GABRB3: variants seen among roughly 807,000 people sequenced by gnomAD.
GABRB3 encodes the protein gamma-aminobutyric acid type A receptor subunit beta3.
Under a neutral mutation model 52.1 loss-of-function variants are expected in GABRB3, and 14 were observed. The observed-to-expected ratio is 0.27, with a 90% CI of 0.18 to 0.42. GABRB3 has a LOEUF of 0.42. GABRB3 is among the 10% of genes least tolerant of loss of function. The probability of loss-of-function intolerance (pLI) is 1.00; values close to 1 mark genes in which losing one functional copy is unlikely to be tolerated. For synonymous variants in GABRB3, 260 were observed against 232.3 expected (o/e 1.12, Z -1.08); for missense variants, 307 against 609.1 (o/e 0.50, Z 5.22).
intron 3 of GABRB3, among the ~76,000 whole-genome samples, chr15:26,761,552 T>C (rs1226783842): frequency 6.6e-6 from 1 of 152,014 alleles, no homozygotes; most frequent in Non-Finnish European, 1.5e-5. Context: ...TACTATATAT[T>C]CTCATTGTAT....
At chr15:26,573,684 G>A (rs774022249) in intron 6 of GABRB3, among the ~76,000 whole-genome samples, 33 of 152,198 alleles carry the variant, frequency 2.2e-4, no homozygotes, top group African/African-American at 4.6e-4. Flanking sequence ...AAAGTGTACC[G>A]TCAAGACAAC....
chr15:26,703,975 G>A (rs924651270), intron 3 of GABRB3, among the ~76,000 whole-genome samples: 6 of 152,196 alleles, frequency 3.9e-5, no homozygotes, highest in African/African-American at 1.2e-4. Flanking sequence ...CTACATTCTG[G>A]GGTCTTGGTG....
chr15:26,773,681 G>A (rs121913126), upstream of GABRB3: 93 of 1,575,684 alleles, frequency 5.9e-5, no homozygotes, highest in Admixed American at 7.2e-4. Context: ...CAGGGTCCAG[G>A]AGAGCCAGAT....
At chr15:26,755,098 G>A (rs1002166655) in intron 3 of GABRB3, among the ~76,000 whole-genome samples, 12 of 148,770 alleles carry the variant, frequency 8.1e-5, no homozygotes, top group African/African-American at 3.0e-4. Flanking sequence ...CCAACTCCTT[G>A]GTTCAAGCGA....
intron 3 of GABRB3, among the ~76,000 whole-genome samples, chr15:26,690,165 G>A (rs1340757790): frequency 6.8e-6 from 1 of 146,532 alleles, no homozygotes; most frequent in Non-Finnish European, 1.5e-5. Flanking sequence ...GTGTAGTGGT[G>A]CAATCATAGC....
intron 3 of GABRB3, chr15:26,624,632 C>A (rs1212256165): frequency 3.6e-5 from 35 of 985,384 alleles, no homozygotes; most frequent in Non-Finnish European, 4.2e-5. Context: ...TGGGTAAGAG[C>A]TTAGGTAACA....
intron 3 of GABRB3, among the ~76,000 whole-genome samples, chr15:26,634,087 G>A (rs900094376): frequency 2.0e-5 from 3 of 151,930 alleles, no homozygotes; most frequent in African/African-American, 7.3e-5. Context: ...TTTTGGAGAG[G>A]TTGCTTCTTC....
chr15:26,701,460 A>C (rs1888934401), intron 3 of GABRB3, among the ~76,000 whole-genome samples: 1 of 152,254 alleles, frequency 6.6e-6, no homozygotes, highest in African/African-American at 2.4e-5. Context: ...TAAACAATTG[A>C]AAATTTACAT....
intron 6 of GABRB3, among the ~76,000 whole-genome samples, chr15:26,579,111 T>C (rs1469458516): frequency 6.6e-6 from 1 of 152,198 alleles, no homozygotes; most frequent in Non-Finnish European, 1.5e-5. Context: ...GGAGGGAACG[T>C]TGCTGGTGAC....
chr15:26,604,927 C>T (rs1369994795), intron 4 of GABRB3, among the ~76,000 whole-genome samples: 4 of 152,032 alleles, frequency 2.6e-5, no homozygotes, highest in African/African-American at 9.7e-5. Flanking sequence ...GGGATCACAT[C>T]AAGTTAAAAA....
At chr15:26,676,008 C>G (rs1175425337) in intron 3 of GABRB3, among the ~76,000 whole-genome samples, 1 of 152,088 alleles carries the variant, frequency 6.6e-6, no homozygotes, top group African/African-American at 2.4e-5. Flanking sequence ...AGAGTTTGGT[C>G]AAGGAGAGAC....
intron 3 of GABRB3, chr15:26,666,638 G>A (rs1289286141): frequency 6.6e-6 from 1 of 152,230 alleles, no homozygotes; most frequent in Non-Finnish European, 1.5e-5. Flanking sequence ...AGGAACTAGG[G>A]AGGCAATCTA....
chr15:26,667,689 A>C (rs994059693), intron 3 of GABRB3, among the ~76,000 whole-genome samples: 4 of 152,186 alleles, frequency 2.6e-5, no homozygotes, highest in Non-Finnish European at 5.9e-5. Flanking sequence ...CCAGAGTAGG[A>C]TCTCCAGACC....
chr15:26,548,774 T>C (rs1307747787), intron 8 of GABRB3, among the ~76,000 whole-genome samples: 1 of 152,214 alleles, frequency 6.6e-6, no homozygotes, highest in Non-Finnish European at 1.5e-5. Context: ...TTTACAATGA[T>C]AGCATTTTAT....
At chr15:26,734,765 C>T (rs1890023575) in intron 3 of GABRB3, among the ~76,000 whole-genome samples, 1 of 151,956 alleles carries the variant, frequency 6.6e-6, no homozygotes, top group African/African-American at 2.4e-5. Context: ...CAGCAAGACC[C>T]CATCTCTAAA....
At chr15:26,568,684 G>GTTTTTTTTTTT (rs1890278876) in intron 6 of GABRB3, among the ~76,000 whole-genome samples, 1 of 133,666 alleles carries the variant, frequency 7.5e-6, no homozygotes, top group Non-Finnish European at 1.6e-5. Flanking sequence ...TTTTTTTTTG[G>GTTTTTTTTTTT]TTTTGTATGT....
chr15:26,651,312 G>A (rs1286869420), intron 3 of GABRB3, among the ~76,000 whole-genome samples: 1 of 152,242 alleles, frequency 6.6e-6, no homozygotes, highest in Non-Finnish European at 1.5e-5. Flanking sequence ...TGAGCACATG[G>A]ACTGAATAAA....
At chr15:26,683,978 A>G (rs1291172112) in intron 3 of GABRB3, among the ~76,000 whole-genome samples, 1 of 152,102 alleles carries the variant, frequency 6.6e-6, no homozygotes, top group Non-Finnish European at 1.5e-5. Context: ...TATTATAAGG[A>G]ATATAATAGG....
upstream of GABRB3, chr15:26,773,557 G>A (rs1010312439): frequency 9.6e-7 from 1 of 1,040,192 alleles, no homozygotes; most frequent in East Asian, 2.8e-5. Flanking sequence ...CAGCCCGAGA[G>A]CCCCCGGGTG....
Sources: allele counts gnomAD v4.1 joint callset (sites outside exome capture counted in the v4.1 genomes callset), GRCh38; gene constraint gnomAD v4.1.1; transcripts MANE v1.5; gene names NCBI Gene and HGNC (gene_info 2026-07-23, HGNC 2026-07-21).